Variants in NDRG1 observed in about 807,000 individuals in gnomAD.
The protein encoded by NDRG1 is protein NDRG1.
NDRG1 carries 32 observed loss-of-function variants against 56.9 expected under a neutral mutation model. That is an observed-to-expected ratio of 0.56 (90% confidence interval 0.42 to 0.76). The LOEUF (loss-of-function observed/expected upper bound fraction) is 0.76, where lower values mean the gene tolerates loss of function less well. Ranked by LOEUF, NDRG1 falls within the 30% of genes least tolerant of loss-of-function variation. The probability of loss-of-function intolerance (pLI) is 0.00; values close to 1 mark genes in which losing one functional copy is unlikely to be tolerated. For synonymous variants in NDRG1, 211 were observed against 204.1 expected (o/e 1.03, Z -0.29); for missense variants, 507 against 545.7 (o/e 0.93, Z 0.71).
chr8:133,278,198 C>G (rs1370850192), intron 3 of NDRG1, among the ~76,000 whole-genome samples: 1 of 152,160 alleles, frequency 6.6e-6, no homozygotes, highest in African/African-American at 2.4e-5. Context: ...GCTCAGAGAA[C>G]CAGTCAAATA....
rs572201790 is a variant in NDRG1 at position 133,278,797 on chromosome 8, G to A, written c.99+1435C>T. Among the ~76,000 whole-genome samples, 263 of 152,140 alleles carry A rather than the reference G, an allele frequency of 1.7e-3. 4 individuals carry two copies. The highest frequency in any genetic ancestry group is 0.017 in the Middle Eastern group (5 of 292). ...GCAGCAAGGGGAGCACTCAGGGCTGGAAGAGGTGAGGCCCAGAGTCTGGCA... is the reference window on the plus strand; with the variant it reads ...GCAGCAAGGGGAGCACTCAGGGCTGAAAGAGGTGAGGCCCAGAGTCTGGCA... On this transcript the variant is annotated intron_variant, in intron 3 of 15. Transcript: ENST00000323851.
Position 133,238,860 on chromosome 8 carries a change from G to C in NDRG1, c.*18C>G. The C allele has an allele frequency of 6.5e-7, 1 of 1,547,184 alleles. No homozygotes were observed. Among genetic ancestry groups the C allele is most frequent in the Non-Finnish European group, 8.7e-7 (1 of 1,148,230 alleles). On this transcript the variant is annotated 3_prime_UTR_variant, in exon 16 of 16. Coordinates refer to ENST00000323851, the MANE Select transcript of NDRG1 (RefSeq NM_006096.4). ...ACTACAGAGATCAGAGTCCGGGGGCGGCAGCTGGGCAGGCCGCCTAGCAGG... is the reference window on the plus strand; with the variant it reads ...ACTACAGAGATCAGAGTCCGGGGGCCGCAGCTGGGCAGGCCGCCTAGCAGG...
At chr8:133,276,599 G>A (rs1857468233) in intron 3 of NDRG1, among the ~76,000 whole-genome samples, 1 of 152,176 alleles carries the variant, frequency 6.6e-6, no homozygotes, top group South Asian at 2.1e-4. Context: ...TTTATAAAGA[G>A]CAAGAGATCT....
At position 133,241,968 on chromosome 8, in the gene NDRG1, C is replaced by T; in HGVS notation, c.943+55G>A. On this transcript the variant is annotated intron_variant, in intron 15 of 15. Transcript: ENST00000323851. ...TCCAAACCTGGCTCAGGACAGAGCA[C>T]TTCCAATTCCGACACATGCCCCGAC... 1.2e-5 allele frequency: 20 copies of T among 1,602,260 alleles called. No individual in the cohort carries two copies. In the South Asian group the frequency reaches 1.9e-4, roughly 15 times the overall value.
In NDRG1 at chr8:133,237,507, G is replaced by T. The variant is rs1278380722; in HGVS notation, c.*1371C>A. 2 of 233,012 alleles carry T rather than the reference G, an allele frequency of 8.6e-6. No individual in the cohort carries two copies. The highest frequency in any genetic ancestry group is 1.7e-5 in the Non-Finnish European group (2 of 117,960). 14.4% of individuals were successfully genotyped at this position (233,012 alleles called of 1,614,324 possible). ...AATCCACGGTGAGCCAAAATGAAAAGTACAAGGCAGTAGTACAGGAACCTG... is the reference window on the plus strand; with the variant it reads ...AATCCACGGTGAGCCAAAATGAAAATTACAAGGCAGTAGTACAGGAACCTG... On this transcript the variant is annotated 3_prime_UTR_variant, in exon 16 of 16. Transcript: ENST00000323851.
At chr8:133,239,148 GGGCAGGAGACTGCCAGGTGAGGAGCCA>G in intron 15 of NDRG1, 29 bp from the exon 16 acceptor site, 3 of 1,550,566 alleles carry the variant, frequency 1.9e-6, no homozygotes, top group Non-Finnish European at 2.6e-6. Context: ...GCCGGTTAGA[GGGCAGGAGACTGCCAGGTGAGGAGCCA>G]GGCATGCCCG....
intron 5 of NDRG1, among the ~76,000 whole-genome samples, chr8:133,261,825 C>T (rs1856672924): frequency 6.6e-6 from 1 of 152,204 alleles, no homozygotes; most frequent in South Asian, 2.1e-4. Context: ...GGCTGCACAA[C>T]AATGTCTGCA....
intron 3 of NDRG1, among the ~76,000 whole-genome samples, chr8:133,278,887 CTTTTTTTTTTTT>C (rs34187643): frequency 8.0e-6 from 1 of 125,614 alleles, no homozygotes; most frequent in Admixed American, 8.2e-5. Context: ...CTCTCTTCTT[CTTTTTTTTTTTT>C]TTTTTTTTGA....
Position 133,297,168 on chromosome 8 carries a change from G to A in NDRG1, c.-53C>T, listed in dbSNP as rs1858830253. ...GGGAGAAAGGAAAGGACGGTGCCGA[G>A]GCTGGCGGCCCAGCGCCCCGCGGAA... On this transcript the variant is annotated 5_prime_UTR_variant, in exon 1 of 16. Coordinates refer to ENST00000323851, the MANE Select transcript of NDRG1 (RefSeq NM_006096.4). The A allele has an allele frequency of 6.6e-6, 1 of 152,360 alleles. No homozygotes were observed. Among genetic ancestry groups the A allele is most frequent in the Admixed American group, 6.5e-5 (1 of 15,292 alleles). 9.4% of individuals were successfully genotyped at this position (152,360 alleles called of 1,614,324 possible).
intron 13 of NDRG1, 149 bp downstream of exon 13, chr8:133,246,467 T>C (rs1855684756): frequency 4.5e-6 from 4 of 879,846 alleles, no homozygotes; most frequent in Non-Finnish European, 5.7e-6. Flanking sequence ...CAGCACCCAA[T>C]ATATGTTCAT....
chr8:133,289,958 C>A (rs937179944), intron 1 of NDRG1, among the ~76,000 whole-genome samples: 3 of 152,194 alleles, frequency 2.0e-5, no homozygotes, highest in Admixed American at 1.3e-4. Flanking sequence ...ACGCTGTCCA[C>A]AACAAACTTA....
intron 9 of NDRG1, among the ~76,000 whole-genome samples, chr8:133,252,598 C>T (rs56999297): frequency 0.019 from 2,308 of 119,426 alleles, 69 homozygotes; most frequent in African/African-American, 0.063. Flanking sequence ...CTGTTTCCCT[C>T]GTACACTCGC....
intron 14 of NDRG1, among the ~76,000 whole-genome samples, chr8:133,243,596 G>A (rs994450059): frequency 3.3e-5 from 5 of 152,166 alleles, no homozygotes; most frequent in Admixed American, 1.3e-4. Context: ...GCCTGTGCTC[G>A]TTGCACTCCT....
intron 9 of NDRG1, among the ~76,000 whole-genome samples, chr8:133,252,463 C>T (rs941646073): frequency 3.3e-5 from 5 of 152,216 alleles, no homozygotes; most frequent in African/African-American, 9.7e-5. Flanking sequence ...ACCAACACAA[C>T]AGGCAAACCT....
chr8:133,240,695 A>G (rs4548166), intron 15 of NDRG1: 52,267 of 151,986 alleles, frequency 0.34, 9,331 homozygotes, highest in African/African-American at 0.4. Context: ...AGGAGGCTTC[A>G]GCTTTCTGGT....
intron 3 of NDRG1, among the ~76,000 whole-genome samples, chr8:133,279,780 C>T (rs12546592): frequency 6.6e-6 from 1 of 152,214 alleles, no homozygotes; most frequent in African/African-American, 2.4e-5. Flanking sequence ...AGGTGCACCC[C>T]CTGGCCCACC....
intron 2 of NDRG1, among the ~76,000 whole-genome samples, chr8:133,282,254 G>A (rs1476241690): frequency 2.0e-5 from 3 of 152,132 alleles, no homozygotes; most frequent in Non-Finnish European, 4.4e-5. Context: ...TTTTTTCTAG[G>A]GCTGTACCTG....
Position 133,267,062 on chromosome 8 carries a change from G to T in NDRG1, c.100-2410C>A, listed in dbSNP as rs190224821. On this transcript the variant is annotated intron_variant, in intron 3 of 15. Transcript: ENST00000323851. ...CCCCTCCCCAGCGGAGGAGTGCAGG[G>T]GTTCCCGACACTCACTTGGAGAACC... Among the ~76,000 whole-genome samples, 86 of 152,260 alleles carry T rather than the reference G, an allele frequency of 5.6e-4. 2 individuals are homozygous for T. The highest frequency in any genetic ancestry group is 1.8e-3 in the African/African-American group (76 of 41,532).
At position 133,255,388 on chromosome 8, in the gene NDRG1, G is replaced by A. The variant is rs913636192; in HGVS notation, c.538-793C>T. The A allele has an allele frequency of 4.2e-5, 19 of 456,154 alleles. No individual in the cohort carries two copies. In the Admixed American group the frequency reaches 4.2e-4, roughly 10 times the overall value. The allele number at this position is 456,154 out of a possible 1,614,324, so 28.3% of individuals were successfully genotyped here. The stretch of plus-strand genomic sequence containing the variant: ...ATCACAGTATCTAATACCAATGCCT[G>A]GTAATCGAAAGGCTGGAGTTGAAAA... On this transcript the variant is annotated intron_variant, in intron 8 of 15. Transcript: ENST00000323851.
Sources: gnomAD v4.1 joint callset for allele counts (sites outside exome capture counted in the v4.1 genomes callset) on GRCh38, gnomAD v4.1.1 for gene constraint, MANE v1.5 for transcripts, NCBI Gene and HGNC (gene_info 2026-07-23, HGNC 2026-07-21) for gene names.